Variants in DLGAP1 observed in about 807,000 individuals in gnomAD.
DLGAP1 encodes disks large-associated protein 1.
A neutral mutation model predicts 90.8 loss-of-function variants in DLGAP1; 11 were observed. The observed-to-expected ratio is 0.12, with a 90% CI of 0.08 to 0.20. DLGAP1 has a LOEUF of 0.20. DLGAP1 is among the 10% of genes least tolerant of loss of function. The pLI, the probability that DLGAP1 is intolerant of heterozygous loss-of-function variation, is 1.00. For synonymous variants in DLGAP1, 558 were observed against 540.7 expected, an observed-to-expected ratio of 1.03 and a Z score of -0.44; for missense variants, 1,050 against 1,333.8, an observed-to-expected ratio of 0.79 and a Z score of 3.31.
chr18:4,125,099 A>G (rs1376670851), intron 2 of DLGAP1, among the ~76,000 whole-genome samples: 2 of 152,250 alleles, frequency 1.3e-5, no homozygotes, highest in African/African-American at 2.4e-5. Flanking sequence ...GCAAGGGGTC[A>G]CTTATTGTAG....
At chr18:4,221,289 T>C (rs1223271718) in intron 1 of DLGAP1, among the ~76,000 whole-genome samples, 2 of 152,114 alleles carry the variant, frequency 1.3e-5, no homozygotes, top group African/African-American at 4.8e-5. Flanking sequence ...ATTATCTCCA[T>C]TAAAAAAATT....
chr18:3,964,061 C>G (rs1163342747), intron 3 of DLGAP1, among the ~76,000 whole-genome samples: 1 of 152,210 alleles, frequency 6.6e-6, no homozygotes, highest in Non-Finnish European at 1.5e-5. Context: ...TTCTACACTG[C>G]AGGAGGCGTC....
intron 2 of DLGAP1, among the ~76,000 whole-genome samples, chr18:4,144,661 G>C (rs1478086484): frequency 1.3e-5 from 2 of 152,174 alleles, no homozygotes; most frequent in African/African-American, 2.4e-5. Flanking sequence ...GATGATAGTG[G>C]AGGCATCTAT....
intron 7 of DLGAP1, among the ~76,000 whole-genome samples, chr18:3,609,480 A>G (rs1032320996): frequency 1.3e-5 from 2 of 152,182 alleles, no homozygotes; most frequent in Non-Finnish European, 2.9e-5. Context: ...TGGAATAGAT[A>G]TTTCTTCCAC....
intron 10 of DLGAP1, among the ~76,000 whole-genome samples, chr18:3,527,885 G>A (rs1035089101): frequency 6.6e-6 from 1 of 152,150 alleles, no homozygotes; most frequent in African/African-American, 2.4e-5. Context: ...GAGCCACCAC[G>A]CCCAGTGGGG....
chr18:4,215,609 G>A (rs1258610511), intron 1 of DLGAP1, among the ~76,000 whole-genome samples: 1 of 152,132 alleles, frequency 6.6e-6, no homozygotes, highest in East Asian at 1.9e-4. Context: ...TGGCCAGTAA[G>A]AGGGAAATTT....
chr18:3,678,348 A>C (rs1052694450), intron 7 of DLGAP1, among the ~76,000 whole-genome samples: 4 of 151,806 alleles, frequency 2.6e-5, no homozygotes, highest in African/African-American at 9.7e-5. Flanking sequence ...TTATCTCTCT[A>C]TCTCTGCCTA....
Position 3,563,556 on chromosome 18 carries a change from G to A in DLGAP1, c.2057+3934C>T, listed in dbSNP as rs151217576. Among the ~76,000 whole-genome samples, 1,004 of 151,264 alleles carry A rather than the reference G, an allele frequency of 6.6e-3. 6 individuals carry two copies. The highest frequency in any genetic ancestry group is 0.023 in the African/African-American group (947 of 41,188). ...ACGATCTCGGCTCACCACAACCTCC[G>A]CCTCCCAAGTTCAAGCAATTCTCCT... On this transcript the variant is annotated intron_variant, in intron 9 of 12. Transcript: ENST00000315677.
chr18:4,012,816 A>G (rs930441774), intron 2 of DLGAP1, among the ~76,000 whole-genome samples: 13 of 150,976 alleles, frequency 8.6e-5, no homozygotes, highest in African/African-American at 3.2e-4. Flanking sequence ...CTCCTGCCTC[A>G]GCCACCTGAG....
chr18:4,276,559 C>A (rs2079420539), intron 1 of DLGAP1, among the ~76,000 whole-genome samples: 1 of 151,628 alleles, frequency 6.6e-6, no homozygotes, highest in African/African-American at 2.4e-5. Context: ...TCACTTTAAC[C>A]CAGGAGGTAG....
chr18:3,578,502 G>A (rs530122605), intron 8 of DLGAP1, among the ~76,000 whole-genome samples: 4 of 151,438 alleles, frequency 2.6e-5, no homozygotes, highest in Non-Finnish European at 4.4e-5. Context: ...GACTACAGGC[G>A]TGTGCCACCA....
At position 3,999,134 on chromosome 18, in the gene DLGAP1, C is replaced by T. The variant is rs150877286; in HGVS notation, c.-73+5982G>A. 2.3e-3 allele frequency among the ~76,000 whole-genome samples: 357 copies of T among 151,944 alleles called. 1 individual carries two copies. The highest frequency in any genetic ancestry group is 8.2e-3 in the African/African-American group (338 of 41,452). The stretch of plus-strand genomic sequence containing the variant: ...CCTTTAAATATTTTATTTTTAAATG[C>T]TGTGATTTATATGTCCATTAGTATA... On this transcript the variant is annotated intron_variant, in intron 3 of 12. Transcript: ENST00000315677.
intron 5 of DLGAP1, among the ~76,000 whole-genome samples, chr18:3,757,278 T>C (rs565399875): frequency 1.3e-5 from 2 of 152,208 alleles, no homozygotes; most frequent in African/African-American, 4.8e-5. Context: ...TGTGGTGGCA[T>C]GCGCCTGTAG....
chr18:3,549,724 A>G (rs1568175725), intron 9 of DLGAP1, among the ~76,000 whole-genome samples: 1 of 152,022 alleles, frequency 6.6e-6, no homozygotes, highest in Non-Finnish European at 1.5e-5. Flanking sequence ...TTGGATAACT[A>G]TATTCAGAAC....
intron 1 of DLGAP1, among the ~76,000 whole-genome samples, chr18:4,408,240 A>T (rs1651728368): frequency 6.6e-6 from 1 of 152,180 alleles, no homozygotes; most frequent in Admixed American, 6.5e-5. Context: ...TATTCACGGT[A>T]GTGGTTACAA....
intron 1 of DLGAP1, among the ~76,000 whole-genome samples, chr18:4,272,208 C>T (rs1007494398): frequency 2.4e-4 from 36 of 152,296 alleles, no homozygotes; most frequent in African/African-American, 8.7e-4. Flanking sequence ...TTGTCTACTT[C>T]TGTCATTAAA....
intron 3 of DLGAP1, among the ~76,000 whole-genome samples, chr18:3,893,774 G>A (rs2071543797): frequency 6.6e-6 from 1 of 151,878 alleles, no homozygotes; most frequent in African/African-American, 2.4e-5. Flanking sequence ...TCTACTTTTA[G>A]TACTTTGAGA....
At position 4,082,510 on chromosome 18, in the gene DLGAP1, C is replaced by CAAAAAAAAAAAAAAAAAAAAAAAAAAAA. The variant is rs59735494; in HGVS notation, c.-159+68669_-159+68670insTTTTTTTTTTTTTTTTTTTTTTTTTTTT. On this transcript the variant is annotated intron_variant, in intron 2 of 12. Transcript: ENST00000315677. Reference sequence around the variant, plus strand: ...TGGGTGACAGAGTGAGACTTTGTCTCAAAAAAAAAAAAAAAAAAAAAAAAG... The same window carrying CAAAAAAAAAAAAAAAAAAAAAAAAAAAA: ...TGGGTGACAGAGTGAGACTTTGTCTCAAAAAAAAAAAAAAAAAAAAAAAAAAAAAAAAAAAAAAAAAAAAAAAAAAAAG... Among the ~76,000 whole-genome samples the CAAAAAAAAAAAAAAAAAAAAAAAAAAAA allele has an allele frequency of 9.6e-5, 5 of 52,090 alleles. 1 individual carries two copies. The highest frequency in any genetic ancestry group is 2.7e-4 in the African/African-American group (3 of 11,144). The allele number at this position is 52,090 out of a possible 152,430, so 34.2% of individuals were successfully genotyped here.
At position 3,757,665 on chromosome 18, in the gene DLGAP1, A is replaced by G. The variant is rs1040021913; in HGVS notation, c.1173-15153T>C. ...AACCCACAAGATCGTCTCACATAGA[A>G]GTAGATAATGCATTTGATTAAACCC... On this transcript the variant is annotated intron_variant, in intron 5 of 12. Transcript: ENST00000315677. Among the ~76,000 whole-genome samples the G allele has an allele frequency of 2.6e-5, 4 of 152,262 alleles. No individual in the cohort carries two copies. The South Asian group carries it at 6.2e-4, about 24-fold the overall frequency.
Sources: allele counts gnomAD v4.1 joint callset (sites outside exome capture counted in the v4.1 genomes callset), GRCh38; gene constraint gnomAD v4.1.1; transcripts MANE v1.5; gene names NCBI Gene and HGNC (gene_info 2026-07-23, HGNC 2026-07-21).